Variants in OSBPL8 observed in about 807,000 individuals in gnomAD.
The protein encoded by OSBPL8 is oxysterol binding protein like 8.
OSBPL8 carries 59 observed loss-of-function variants against 125.5 expected under a neutral mutation model. That is an observed-to-expected ratio of 0.47 (90% CI 0.38 to 0.58). The LOEUF (loss-of-function observed/expected upper bound fraction) is 0.58, where lower values mean the gene tolerates loss of function less well. OSBPL8 is among the 20% of genes least tolerant of loss of function. The pLI is 0.00. For missense variants in OSBPL8, 758 were observed against 1,047.8 expected (o/e 0.72, Z 3.82); for synonymous variants, 330 against 338.9 (o/e 0.97, Z 0.29).
intron 8 of OSBPL8, among the ~76,000 whole-genome samples, chr12:76,396,065 G>A (rs1354459099): frequency 6.6e-6 from 1 of 150,704 alleles, no homozygotes; most frequent in African/African-American, 2.4e-5. Context: ...GTATTTATAT[G>A]TATGTTTATA....
At chr12:76,461,379 G>GT (rs1287423823) in intron 2 of OSBPL8, among the ~76,000 whole-genome samples, 1 of 152,170 alleles carries the variant, frequency 6.6e-6, no homozygotes, top group Non-Finnish European at 1.5e-5. Context: ...GAACTACGGT[G>GT]TTAGTGAGGT....
intron 2 of OSBPL8, among the ~76,000 whole-genome samples, chr12:76,478,651 C>T (rs1284393450): frequency 1.3e-5 from 2 of 151,188 alleles, no homozygotes; most frequent in Non-Finnish European, 2.9e-5. Flanking sequence ...AAAAGAAAAA[C>T]GATATAATGA....
chr12:76,380,868 G>A (rs1214663456), intron 15 of OSBPL8, among the ~76,000 whole-genome samples: 1 of 152,130 alleles, frequency 6.6e-6, no homozygotes, highest in Non-Finnish European at 1.5e-5. Context: ...AAAGTATGAA[G>A]TTGGCTATAT....
intron 4 of OSBPL8, among the ~76,000 whole-genome samples, chr12:76,449,612 TGAA>T (rs756311075): frequency 3.2e-4 from 48 of 152,286 alleles, no homozygotes; most frequent in Non-Finnish European, 5.9e-4. Context: ...ATGTCCTTGA[TGAA>T]GAAGTAAAAA....
At chr12:76,386,684 A>G in intron 12 of OSBPL8, 24 bp from the exon 13 acceptor site, 1 of 1,519,472 alleles carries the variant, frequency 6.6e-7, no homozygotes, top group Non-Finnish European at 9.0e-7. Flanking sequence ...CGGTAAACAA[A>G]AATTTTAAAA....
intron 22 of OSBPL8, among the ~76,000 whole-genome samples, chr12:76,357,438 T>C (rs970838390): frequency 6.6e-6 from 1 of 152,194 alleles, no homozygotes. Context: ...ATATATAACA[T>C]ACATATACCT....
At chr12:76,373,509 C>A in intron 17 of OSBPL8, 76 bp from the exon 18 acceptor site, 3 of 1,110,418 alleles carry the variant, frequency 2.7e-6, no homozygotes, top group Non-Finnish European at 3.9e-6. Context: ...AACAAAAAAC[C>A]CAACAAAAAT....
chr12:76,427,341 A>T (rs914107925), intron 4 of OSBPL8, among the ~76,000 whole-genome samples: 1 of 152,032 alleles, frequency 6.6e-6, no homozygotes, highest in African/African-American at 2.4e-5. Flanking sequence ...GTATACTCGC[A>T]CATATGTGTA....
At chr12:76,519,976 A>G (rs1169614184) in intron 1 of OSBPL8, among the ~76,000 whole-genome samples, 2 of 152,176 alleles carry the variant, frequency 1.3e-5, no homozygotes, top group African/African-American at 2.4e-5. Flanking sequence ...ATATCAGTAC[A>G]GAAGGAGCTT....
At chr12:76,507,680 G>A (rs1400777968) in intron 1 of OSBPL8, among the ~76,000 whole-genome samples, 2 of 151,200 alleles carry the variant, frequency 1.3e-5, no homozygotes, top group Non-Finnish European at 2.9e-5. Flanking sequence ...AAACTTGGCT[G>A]GGCGTGGTGG....
At chr12:76,483,041 C>A (rs1428294609) in intron 2 of OSBPL8, among the ~76,000 whole-genome samples, 1 of 152,014 alleles carries the variant, frequency 6.6e-6, no homozygotes, top group African/African-American at 2.4e-5. Flanking sequence ...GCAGGCGGAT[C>A]ATGAGGTCAG....
At chr12:76,463,739 C>T (rs187261728) in intron 2 of OSBPL8, among the ~76,000 whole-genome samples, 2 of 152,160 alleles carry the variant, frequency 1.3e-5, no homozygotes, top group African/African-American at 4.8e-5. Context: ...TACAAAAGCA[C>T]TGAACTGGGA....
chr12:76,402,168 C>T (rs922302418), intron 6 of OSBPL8, among the ~76,000 whole-genome samples: 1 of 152,122 alleles, frequency 6.6e-6, no homozygotes, highest in Non-Finnish European at 1.5e-5. Flanking sequence ...GGAACCAGAG[C>T]CAGTTGGAAA....
chr12:76,515,164 C>T (rs1268006524), intron 1 of OSBPL8, among the ~76,000 whole-genome samples: 1 of 152,188 alleles, frequency 6.6e-6, no homozygotes, highest in Non-Finnish European at 1.5e-5. Context: ...GCCAGTTCAG[C>T]CTTGGTAAGA....
At chr12:76,412,004 A>C (rs1868255015) in intron 4 of OSBPL8, among the ~76,000 whole-genome samples, 1 of 152,204 alleles carries the variant, frequency 6.6e-6, no homozygotes, top group Admixed American at 6.5e-5. Flanking sequence ...ACACGGAGGA[A>C]TTCTAATCCT....
intron 21 of OSBPL8, among the ~76,000 whole-genome samples, chr12:76,359,447 A>C (rs1193963361): frequency 6.6e-6 from 1 of 152,202 alleles, no homozygotes; most frequent in Non-Finnish European, 1.5e-5. Context: ...ACTATGACTA[A>C]ATTTTCCTTA....
At chr12:76,426,272 T>C (rs181161204) in intron 4 of OSBPL8, among the ~76,000 whole-genome samples, 4 of 152,322 alleles carry the variant, frequency 2.6e-5, no homozygotes. Flanking sequence ...ATTTCTGAGT[T>C]CTGTCTATAA....
chr12:76,556,056 T>C (rs1951086624), intron 1 of OSBPL8, among the ~76,000 whole-genome samples: 1 of 152,180 alleles, frequency 6.6e-6, no homozygotes, highest in Admixed American at 6.5e-5. Context: ...AATGACCTGT[T>C]CCCCTTCTCC....
chr12:76,450,673 A>T (rs1026292946), intron 4 of OSBPL8, among the ~76,000 whole-genome samples, 178 bp downstream of exon 4: 2 of 152,134 alleles, frequency 1.3e-5, no homozygotes, highest in Non-Finnish European at 2.9e-5. Context: ...AGTCTAAAGG[A>T]AAGTGTACTC....
Sources: gnomAD v4.1 joint callset for allele counts (sites outside exome capture counted in the v4.1 genomes callset) on GRCh38, gnomAD v4.1.1 for gene constraint, MANE v1.5 for transcripts, NCBI Gene and HGNC (gene_info 2026-07-23, HGNC 2026-07-21) for gene names.